DNAJC12: variants seen among roughly 807,000 people sequenced by gnomAD.
DNAJC12 encodes the protein DnaJ heat shock protein family (Hsp40) member C12, also known as dnaJ homolog subfamily C member 12.
DNAJC12 carries 25 observed loss-of-function variants against 28.5 expected under a neutral mutation model. That is an observed-to-expected ratio of 0.88 (90% confidence interval 0.64 to 1.22). The LOEUF (loss-of-function observed/expected upper bound fraction) is 1.22. Among genes scored for constraint, DNAJC12 ranks in the 50% most tolerant of loss-of-function variants. DNAJC12 has a pLI of 0.00. For synonymous variants in DNAJC12, 77 were observed against 80.6 expected (o/e 0.95, Z 0.24); for missense variants, 222 against 231.7 (o/e 0.96, Z 0.27).
intron 3 of DNAJC12, chr10:67,811,238 A>G: frequency 9.1e-7 from 1 of 1,103,268 alleles, no homozygotes; most frequent in Non-Finnish European, 1.1e-6. Flanking sequence ...TACATTTATT[A>G]GAGCTCATAA....
chr10:67,827,834 GTCTATA>G (rs1564866363), intron 1 of DNAJC12, among the ~76,000 whole-genome samples: 1 of 152,096 alleles, frequency 6.6e-6, no homozygotes, highest in African/African-American at 2.4e-5. Flanking sequence ...AATTAAGAAA[GTCTATA>G]TCTTTCTTTC....
At position 67,796,970 on chromosome 10, in the gene DNAJC12, C is replaced by G; in HGVS notation, c.*146G>C. The G allele has an allele frequency of 1.9e-6, 1 of 526,064 alleles. No homozygotes were observed. Among genetic ancestry groups the G allele is most frequent in the Non-Finnish European group, 3.3e-6 (1 of 300,988 alleles). The allele number at this position is 526,064 out of a possible 1,614,324, so 32.6% of individuals were successfully genotyped here. ...TCTTATTTAAAAAGCATTATGAGAA[C>G]TGATTCAAGGATGGAGGAATCAATT... On this transcript the variant is annotated 3_prime_UTR_variant, in exon 5 of 5. Transcript: ENST00000225171.
intron 2 of DNAJC12, among the ~76,000 whole-genome samples, chr10:67,812,775 C>T (rs1841873962): frequency 6.6e-6 from 1 of 151,480 alleles, no homozygotes; most frequent in Admixed American, 6.6e-5. Context: ...TTGCTTGAAC[C>T]TGGGAGGCAG....
At position 67,823,301 on chromosome 10, in the gene DNAJC12, A is replaced by G; in HGVS notation, c.157+13T>C. 2 of 1,612,424 alleles carry G rather than the reference A, an allele frequency of 1.2e-6. No individual in the cohort carries two copies. The highest frequency in any genetic ancestry group is 2.2e-5 in the South Asian group (2 of 91,000). On this transcript the variant is annotated intron_variant, in intron 2 of 4. Transcript: ENST00000225171. ...CTCATTTTCTTGAGAAGTAGCCTTT[A>G]TTAAGTTCTTACCAGCTTTGGGGTT...
At chr10:67,802,018 T>C (rs1207556555) in intron 4 of DNAJC12, among the ~76,000 whole-genome samples, 2 of 151,624 alleles carry the variant, frequency 1.3e-5, no homozygotes, top group Admixed American at 6.6e-5. Flanking sequence ...CACGCCAGCA[T>C]ACCTAGCTAA....
chr10:67,812,130 A>C (rs1179871718), intron 2 of DNAJC12, among the ~76,000 whole-genome samples: 1 of 152,074 alleles, frequency 6.6e-6, no homozygotes, highest in African/African-American at 2.4e-5. Context: ...TGACTGAGGC[A>C]CAATACAGGG....
At chr10:67,808,606 AACACAC>A (rs144660170) in intron 3 of DNAJC12, 1 of 151,080 alleles carries the variant, frequency 6.6e-6, no homozygotes, top group East Asian at 1.9e-4. Flanking sequence ...ATTCCATTAA[AACACAC>A]ACACACACAC....
At chr10:67,837,886 T>C (rs758197662) in intron 1 of DNAJC12, 48 bp downstream of exon 1, 3 of 1,367,614 alleles carry the variant, frequency 2.2e-6, no homozygotes, top group Non-Finnish European at 3.0e-6. Context: ...TGAAATACTA[T>C]TGTGAAAAAG....
rs138252749 is a variant in DNAJC12, at chr10:67,804,403, C to T, written c.502+1180G>A. Among the ~76,000 whole-genome samples, 134 of 152,254 alleles carry T rather than the reference C, an allele frequency of 8.8e-4. 4 individuals are homozygous for T. In the East Asian group the frequency reaches 0.016, roughly 18 times the overall value. On this transcript the variant is annotated intron_variant, in intron 4 of 4. Transcript: ENST00000225171. ...TCACTATGTCACCCAGGATGGAATG[C>T]AAGCACCTAATCACAGGAGTGATCA... is the stretch of plus-strand genomic sequence containing the variant.
rs868215830 is a variant in DNAJC12, at chr10:67,836,998, C to A, written c.78+936G>T. Among the ~76,000 whole-genome samples, 5 of 150,372 alleles carry A rather than the reference C, an allele frequency of 3.3e-5. No homozygotes were observed. In the Middle Eastern group the frequency reaches 0.014, roughly 424 times the overall value. On this transcript the variant is annotated intron_variant, in intron 1 of 4. Transcript: ENST00000225171. ...TGAATATATTTTATATTAATCTCAA[C>A]ATTATTTGAAATATTGAAAAATTGG...
chr10:67,820,480 A>AG, intron 2 of DNAJC12, among the ~76,000 whole-genome samples: 1 of 152,312 alleles, frequency 6.6e-6, no homozygotes, highest in South Asian at 2.1e-4. Context: ...GGAAGGGAAA[A>AG]GGGATTTCTG....
At chr10:67,803,230 A>G (rs1412133134) in intron 4 of DNAJC12, among the ~76,000 whole-genome samples, 1 of 152,202 alleles carries the variant, frequency 6.6e-6, no homozygotes, top group Non-Finnish European at 1.5e-5. Flanking sequence ...ATAGATGCAG[A>G]GGGGTTAACT....
chr10:67,799,259 A>C (rs1841713581), intron 4 of DNAJC12, among the ~76,000 whole-genome samples: 1 of 152,212 alleles, frequency 6.6e-6, no homozygotes, highest in Admixed American at 6.5e-5. Flanking sequence ...GCATATACAG[A>C]ATAGTTAACA....
rs1841997953 is a variant in DNAJC12, at chr10:67,823,281, T to C, written c.157+33A>G. The C allele has an allele frequency of 1.9e-6, 3 of 1,587,920 alleles. No individual in the cohort carries two copies. The Admixed American group carries it at 5.0e-5, about 27-fold the overall frequency. Reference sequence around the variant, plus strand: ...GCTTTTGGTTCTATATACTACTCATTTTCTTGAGAAGTAGCCTTTATTAAG... The same window carrying C: ...GCTTTTGGTTCTATATACTACTCATCTTCTTGAGAAGTAGCCTTTATTAAG... On this transcript the variant is annotated intron_variant, in intron 2 of 4. Coordinates refer to ENST00000225171, the MANE Select transcript of DNAJC12 (RefSeq NM_021800.3).
At chr10:67,835,080 A>G (rs182306921) in intron 1 of DNAJC12, among the ~76,000 whole-genome samples, 2 of 152,326 alleles carry the variant, frequency 1.3e-5, no homozygotes, top group Admixed American at 1.3e-4. Context: ...ACTGCTCTAG[A>G]ACCATTAGAA....
At chr10:67,810,772 T>C (rs920034761) in intron 3 of DNAJC12, 4 of 152,192 alleles carry the variant, frequency 2.6e-5, no homozygotes, top group Non-Finnish European at 5.9e-5. Flanking sequence ...ATTTAAGAGA[T>C]GTGAATCATT....
At chr10:67,835,717 G>GACACACACACACACAC (rs34238470) in intron 1 of DNAJC12, among the ~76,000 whole-genome samples, 10 of 119,070 alleles carry the variant, frequency 8.4e-5, no homozygotes, top group African/African-American at 2.7e-4. Flanking sequence ...GAGAAAAAAT[G>GACACACACACACACAC]ACACACACAC....
chr10:67,836,998 C>T (rs868215830), intron 1 of DNAJC12, among the ~76,000 whole-genome samples: 1 of 150,296 alleles, frequency 6.7e-6, no homozygotes, highest in Admixed American at 6.6e-5. Context: ...TTAATCTCAA[C>T]ATTATTTGAA....
At chr10:67,803,197 G>GA (rs1841765476) in intron 4 of DNAJC12, among the ~76,000 whole-genome samples, 1 of 151,946 alleles carries the variant, frequency 6.6e-6, no homozygotes, top group Admixed American at 6.6e-5. Context: ...CTAATATTTT[G>GA]ACCATTATAT....
Sources: gnomAD v4.1 joint callset for allele counts (sites outside exome capture counted in the v4.1 genomes callset) on GRCh38, gnomAD v4.1.1 for gene constraint, MANE v1.5 for transcripts, NCBI Gene and HGNC (gene_info 2026-07-23, HGNC 2026-07-21) for gene names.